The following PHLPP1 variants were observed in gnomAD, a reference collection of about 807,000 sequenced individuals.
PHLPP1 encodes PH domain and leucine rich repeat protein phosphatase 1.
A neutral mutation model predicts 117.2 loss-of-function variants in PHLPP1; 42 were observed. That is an observed-to-expected ratio of 0.36 (90% CI 0.28 to 0.46). The LOEUF (loss-of-function observed/expected upper bound fraction) is 0.46. Among genes scored for constraint, PHLPP1 ranks in the 20% least tolerant of loss-of-function variants. The pLI is 1.00. For synonymous variants in PHLPP1, 1,042 were observed against 970.7 expected, an observed-to-expected ratio of 1.07 and a Z score of -1.37; for missense variants, 2,084 against 2,241.9, an observed-to-expected ratio of 0.93 and a Z score of 1.42.
At chr18:62,789,138 G>A (rs892557686) in intron 1 of PHLPP1, among the ~76,000 whole-genome samples, 2 of 152,192 alleles carry the variant, frequency 1.3e-5, no homozygotes, top group African/African-American at 4.8e-5. Flanking sequence ...CACACAGGGG[G>A]TGGGGAAGCA....
At chr18:62,740,187 C>T (rs533083040) in intron 1 of PHLPP1, among the ~76,000 whole-genome samples, 5 of 152,138 alleles carry the variant, frequency 3.3e-5, no homozygotes, top group South Asian at 4.2e-4. Flanking sequence ...GGTCGGGAGG[C>T]AGAAAGGCAG....
intron 6 of PHLPP1, among the ~76,000 whole-genome samples, chr18:62,896,514 C>G (rs889171826): frequency 1.3e-5 from 2 of 151,984 alleles, no homozygotes. Flanking sequence ...CCAGGATGGT[C>G]TCGATCTCCT....
chr18:62,874,627 C>T (rs766023096), intron 4 of PHLPP1, among the ~76,000 whole-genome samples: 16 of 152,054 alleles, frequency 1.1e-4, no homozygotes, highest in Non-Finnish European at 1.9e-4. Context: ...GGTAGGACAG[C>T]ATCCCATCAC....
intron 1 of PHLPP1, among the ~76,000 whole-genome samples, chr18:62,765,213 C>A (rs192460662): frequency 6.0e-4 from 92 of 152,182 alleles, no homozygotes; most frequent in African/African-American, 2.1e-3. Context: ...TTGGACCTAC[C>A]CCATCTTATG....
chr18:62,728,064 G>A lies in PHLPP1; in HGVS notation c.1576+10805G>A, dbSNP rs181074222. The stretch of plus-strand genomic sequence containing the variant: ...CACTTTGGGAGGCTGAGGCAGGCGG[G>A]CGGGCAGATCACCTGATGTCAGGAG... On this transcript the variant is annotated intron_variant, in intron 1 of 16. Coordinates refer to ENST00000262719, the MANE Select transcript of PHLPP1 (RefSeq NM_194449.4). 3.5e-4 allele frequency among the ~76,000 whole-genome samples: 53 copies of A among 152,172 alleles called. 1 individual carries two copies. In the East Asian group the frequency reaches 9.7e-3, roughly 28 times the overall value.
At chr18:62,847,673 G>A (rs1434393302) in intron 3 of PHLPP1, among the ~76,000 whole-genome samples, 1 of 151,812 alleles carries the variant, frequency 6.6e-6, no homozygotes, top group Non-Finnish European at 1.5e-5. Context: ...CCAGTTATTT[G>A]ACATTTTCTT....
At chr18:62,807,285 A>T (rs889491206) in intron 1 of PHLPP1, among the ~76,000 whole-genome samples, 6 of 152,174 alleles carry the variant, frequency 3.9e-5, no homozygotes, top group African/African-American at 1.4e-4. Flanking sequence ...CCAGCAAGTT[A>T]TATTTTCTAT....
chr18:62,942,056 A>G, intron 11 of PHLPP1, 138 bp downstream of exon 11: 1 of 645,760 alleles, frequency 1.5e-6, no homozygotes, highest in East Asian at 2.8e-5. Context: ...AGTTTCCTTT[A>G]TGTAAGCTAT....
rs1233500942 is a variant in PHLPP1, at chr18:62,920,123, A to G, written c.2960+9A>G. The G allele has an allele frequency of 6.2e-7, 1 of 1,611,980 alleles. No individual in the cohort carries two copies. Among genetic ancestry groups the G allele is most frequent in the African/African-American group, 1.3e-5 (1 of 74,828 alleles). On this transcript the variant is annotated intron_variant, in intron 10 of 16. Transcript: ENST00000262719. ...CTGATGAAGGCTGACAGGTAAAGCC[A>G]TTTGTCTTGTTTATCATCTGAGTCT... is the stretch of plus-strand genomic sequence containing the variant.
intron 1 of PHLPP1, among the ~76,000 whole-genome samples, chr18:62,738,165 A>G (rs1168911974): frequency 2.6e-5 from 4 of 151,830 alleles, no homozygotes; most frequent in African/African-American, 9.7e-5. Context: ...TAGCCTAGGT[A>G]ACATAGTGAG....
At chr18:62,877,082 CTCT>C (rs1454121218) in intron 4 of PHLPP1, among the ~76,000 whole-genome samples, 2 of 152,100 alleles carry the variant, frequency 1.3e-5, no homozygotes, top group East Asian at 1.9e-4. Flanking sequence ...TCAAGTACCT[CTCT>C]TCTTAGAAAG....
At chr18:62,905,632 A>G (rs907680545) in intron 8 of PHLPP1, among the ~76,000 whole-genome samples, 3 of 152,040 alleles carry the variant, frequency 2.0e-5, no homozygotes, top group African/African-American at 7.2e-5. Context: ...TTTATTTTCA[A>G]AATTTTTTTT....
chr18:62,967,225 A>G (rs1423488058), intron 14 of PHLPP1, among the ~76,000 whole-genome samples: 1 of 152,212 alleles, frequency 6.6e-6, no homozygotes, highest in East Asian at 1.9e-4. Flanking sequence ...CAGGTTTTTT[A>G]TGAATGCTTG....
chr18:62,962,227 T>G (rs1400119527), intron 13 of PHLPP1, among the ~76,000 whole-genome samples: 1 of 152,220 alleles, frequency 6.6e-6, no homozygotes, highest in Admixed American at 6.5e-5. Flanking sequence ...GACTCCCTGT[T>G]TAGGGGCACA....
At chr18:62,762,211 G>A (rs757297733) in intron 1 of PHLPP1, among the ~76,000 whole-genome samples, 14 of 151,186 alleles carry the variant, frequency 9.3e-5, no homozygotes, top group Non-Finnish European at 1.8e-4. Flanking sequence ...AGTTCAGGTC[G>A]TCACTCATCT....
At chr18:62,790,909 C>T (rs1913437228) in intron 1 of PHLPP1, among the ~76,000 whole-genome samples, 1 of 152,040 alleles carries the variant, frequency 6.6e-6, no homozygotes, top group African/African-American at 2.4e-5. Flanking sequence ...TTAAAAGTGA[C>T]CCCAGGTTTT....
At chr18:62,921,868 A>G (rs1776686565) in intron 10 of PHLPP1, among the ~76,000 whole-genome samples, 2 of 152,250 alleles carry the variant, frequency 1.3e-5, no homozygotes, top group Admixed American at 1.3e-4. Flanking sequence ...ACCCAGAACA[A>G]GATATAGAAC....
intron 2 of PHLPP1, 114 bp from the exon 3 acceptor site, chr18:62,838,670 T>C: frequency 3.0e-6 from 3 of 1,016,738 alleles, no homozygotes; most frequent in Non-Finnish European, 4.4e-6. Flanking sequence ...GAGTAACATA[T>C]ATAGGGAAAC....
At position 62,963,454 on chromosome 18, in the gene PHLPP1, C is replaced by T; in HGVS notation, c.3542C>T (p.Ala1181Val). ...PAVWSHGYTE[A>V]SGVKNKLCVA... ...GTATGGAGTCATGGTTACACTGAAG[C>T]TTCGGGGGTAAAAAACAAGTAAGTC... The change falls in exon 14 of 17, where the codon GCT (alanine) becomes GTT (valine). Residue 1181 changes from alanine to valine, a missense_variant. Ala to Val is a moderately conservative substitution (Grantham distance 64, BLOSUM62 0). Coordinates refer to ENST00000262719, the MANE Select transcript of PHLPP1 (RefSeq NM_194449.4). 6.2e-7 allele frequency: 1 copy of T among 1,611,154 alleles called. No individual in the cohort carries two copies. Among genetic ancestry groups the T allele is most frequent in the Non-Finnish European group, 8.5e-7 (1 of 1,178,244 alleles).
Sources: gnomAD v4.1 joint callset for allele counts (sites outside exome capture counted in the v4.1 genomes callset) on GRCh38, gnomAD v4.1.1 for gene constraint, MANE v1.5 for transcripts, NCBI Gene and HGNC (gene_info 2026-07-23, HGNC 2026-07-21) for gene names.